The following NRG1 variants were observed in gnomAD, a reference collection of about 807,000 sequenced individuals.
NRG1 encodes the protein neuregulin 1.
NRG1 carries 18 observed loss-of-function variants against 63.8 expected under a neutral mutation model. The ratio of observed to expected loss-of-function variants is 0.28; its 90% CI spans 0.19 to 0.42. NRG1 has a LOEUF of 0.42. Among genes scored for constraint, NRG1 ranks in the 10% least tolerant of loss-of-function variants. NRG1 has a pLI of 1.00. For synonymous variants in NRG1, 302 were observed against 301.3 expected, an observed-to-expected ratio of 1.00 and a Z score of -0.02; for missense variants, 762 against 814.7, an observed-to-expected ratio of 0.94 and a Z score of 0.79.
intron 1 of NRG1, among the ~76,000 whole-genome samples, chr8:32,249,879 G>A (rs926124339): frequency 6.6e-6 from 1 of 152,066 alleles, no homozygotes; most frequent in African/African-American, 2.4e-5. Flanking sequence ...TTGATTTATG[G>A]TGAATATCTT....
chr8:32,697,267 C>T (rs1000707587), intron 5 of NRG1, among the ~76,000 whole-genome samples: 1 of 152,190 alleles, frequency 6.6e-6, no homozygotes, highest in Non-Finnish European at 1.5e-5. Context: ...TGAGCTTTGT[C>T]ATGGCTATAA....
chr8:32,253,684 A>T (rs772328147), intron 1 of NRG1, among the ~76,000 whole-genome samples: 6 of 152,134 alleles, frequency 3.9e-5, no homozygotes, highest in Non-Finnish European at 8.8e-5. Context: ...AGGTTTTGCT[A>T]TCAGGATGAT....
intron 1 of NRG1, among the ~76,000 whole-genome samples, chr8:31,727,638 A>T (rs1370716431): frequency 6.6e-6 from 1 of 152,136 alleles, no homozygotes; most frequent in African/African-American, 2.4e-5. Context: ...CCTCTATAAA[A>T]TGTATCACTG....
At chr8:32,479,145 C>G (rs1009518956) in intron 1 of NRG1, among the ~76,000 whole-genome samples, 2 of 152,116 alleles carry the variant, frequency 1.3e-5, no homozygotes, top group East Asian at 3.9e-4. Context: ...AAGAATTTGT[C>G]AGGGTCCCAG....
intron 1 of NRG1, among the ~76,000 whole-genome samples, chr8:32,348,926 C>A (rs1004891751): frequency 6.6e-6 from 1 of 152,184 alleles, no homozygotes; most frequent in Non-Finnish European, 1.5e-5. Flanking sequence ...ACTTTGAGGA[C>A]AAGATCCAAA....
chr8:31,930,370 G>C (rs1455884673), intron 1 of NRG1, among the ~76,000 whole-genome samples: 1 of 152,214 alleles, frequency 6.6e-6, no homozygotes, highest in Non-Finnish European at 1.5e-5. Flanking sequence ...ACTCCAGCAA[G>C]TGGTACAGTT....
chr8:31,694,211 A>G, intron 1 of NRG1, among the ~76,000 whole-genome samples: 1 of 152,026 alleles, frequency 6.6e-6, no homozygotes, highest in Non-Finnish European at 1.5e-5. Context: ...CCATAGTGAT[A>G]CCTTATTTAT....
At chr8:31,947,951 A>AC (rs1802859209) in intron 1 of NRG1, among the ~76,000 whole-genome samples, 1 of 149,724 alleles carries the variant, frequency 6.7e-6, no homozygotes, top group African/African-American at 2.4e-5. Context: ...TCTCAAAAAA[A>AC]AAAAAAAAAA....
At chr8:31,711,473 C>T (rs1811735622) in intron 1 of NRG1, among the ~76,000 whole-genome samples, 2 of 152,270 alleles carry the variant, frequency 1.3e-5, no homozygotes, top group South Asian at 4.1e-4. Flanking sequence ...TGCTGGACTA[C>T]CTTACATATT....
chr8:32,179,887 A>T (rs1327911707), intron 1 of NRG1, among the ~76,000 whole-genome samples: 1 of 152,046 alleles, frequency 6.6e-6, no homozygotes, highest in East Asian at 1.9e-4. Context: ...TACAATTTTT[A>T]AATCTTTTTT....
At chr8:31,745,651 A>G (rs1027908839) in intron 1 of NRG1, among the ~76,000 whole-genome samples, 1 of 151,908 alleles carries the variant, frequency 6.6e-6, no homozygotes, top group Non-Finnish European at 1.5e-5. Context: ...TTACTAGCCA[A>G]GATTCTTTGA....
intron 1 of NRG1, among the ~76,000 whole-genome samples, chr8:32,389,176 A>AG (rs766288686): frequency 1.8e-4 from 28 of 152,270 alleles, no homozygotes; most frequent in Non-Finnish European, 3.2e-4. Context: ...CACAGGTCCC[A>AG]GGGGGAGCTG....
intron 1 of NRG1, among the ~76,000 whole-genome samples, chr8:32,352,055 T>C (rs1391834010): frequency 6.6e-6 from 1 of 151,838 alleles, no homozygotes; most frequent in Admixed American, 6.6e-5. Context: ...CCAGCTTCAA[T>C]CTCTATAATT....
chr8:31,904,048 C>CAA (rs1832319635), intron 1 of NRG1, among the ~76,000 whole-genome samples: 1 of 152,128 alleles, frequency 6.6e-6, no homozygotes, highest in Admixed American at 6.6e-5. Context: ...GTGGGCTAGT[C>CAA]ATTTTGCCAA....
At chr8:32,302,488 T>C (rs1024997703) in intron 1 of NRG1, among the ~76,000 whole-genome samples, 42 of 152,194 alleles carry the variant, frequency 2.8e-4, no homozygotes, top group African/African-American at 3.1e-4. Flanking sequence ...GTAGTCTGAA[T>C]GCTATTGCCA....
At chr8:32,624,886 C>T (rs998566706) in intron 5 of NRG1, among the ~76,000 whole-genome samples, 1 of 152,066 alleles carries the variant, frequency 6.6e-6, no homozygotes, top group African/African-American at 2.4e-5. Context: ...TGAAAAATTC[C>T]TAGTTTCTTT....
At chr8:32,616,968 C>A (rs1474146579) in intron 5 of NRG1, 83 bp downstream of exon 5, 3 of 1,028,282 alleles carry the variant, frequency 2.9e-6, no homozygotes, top group Non-Finnish European at 4.6e-6. Context: ...CGTCTATCTT[C>A]TGCCCCTATT....
intron 1 of NRG1, among the ~76,000 whole-genome samples, chr8:31,952,661 A>G (rs28425469): frequency 0.026 from 3,918 of 152,302 alleles, 173 homozygotes; most frequent in African/African-American, 0.089. Flanking sequence ...TGTTTGTGTG[A>G]TTTCCTACAT....
At chr8:32,279,160 T>G (rs890264332) in intron 1 of NRG1, among the ~76,000 whole-genome samples, 17 of 152,210 alleles carry the variant, frequency 1.1e-4, no homozygotes, top group African/African-American at 4.1e-4. Flanking sequence ...CTGGCGTTTA[T>G]GTTGTGATGA....
Sources: gnomAD v4.1 joint callset for allele counts (sites outside exome capture counted in the v4.1 genomes callset) on GRCh38, gnomAD v4.1.1 for gene constraint, MANE v1.5 for transcripts, NCBI Gene and HGNC (gene_info 2026-07-23, HGNC 2026-07-21) for gene names.